Variants in SKAP1 observed in about 807,000 individuals in gnomAD.
The protein encoded by SKAP1 is src kinase associated phosphoprotein 1.
Under a neutral mutation model 58.5 loss-of-function variants are expected in SKAP1, and 44 were observed. The observed-to-expected ratio is 0.75, with a 90% confidence interval of 0.59 to 0.97. The LOEUF (loss-of-function observed/expected upper bound fraction) is 0.97. SKAP1 is among the 50% of genes least tolerant of loss of function. The pLI is 0.00. For synonymous variants in SKAP1, 127 were observed against 149.7 expected (o/e 0.85, Z 1.11); for missense variants, 390 against 435.2 (o/e 0.90, Z 0.92).
intron 4 of SKAP1, among the ~76,000 whole-genome samples, chr17:48,285,878 T>C (rs1418072840): frequency 6.6e-6 from 1 of 152,214 alleles, no homozygotes; most frequent in Non-Finnish European, 1.5e-5. Context: ...CTGAGCAGTA[T>C]GGCTTTAGGA....
intron 2 of SKAP1, among the ~76,000 whole-genome samples, chr17:48,371,835 T>TG (rs2067091342): frequency 1.5e-5 from 2 of 135,280 alleles, no homozygotes; most frequent in African/African-American, 6.0e-5. Context: ...AGACCCTGTC[T>TG]CAAAAAAAAA....
chr17:48,412,912 AATTT>A (rs2067682391), intron 1 of SKAP1, among the ~76,000 whole-genome samples: 1 of 152,080 alleles, frequency 6.6e-6, no homozygotes, highest in East Asian at 1.9e-4. Flanking sequence ...GTCACATGTT[AATTT>A]AAGTACTTGT....
intron 4 of SKAP1, among the ~76,000 whole-genome samples, chr17:48,340,975 G>C (rs776615865): frequency 2.6e-5 from 4 of 152,242 alleles, no homozygotes; most frequent in Admixed American, 1.3e-4. Context: ...TCTTCAAAAA[G>C]CAATGGCTTT....
intron 10 of SKAP1, among the ~76,000 whole-genome samples, chr17:48,163,603 G>A (rs1398448472): frequency 6.6e-6 from 1 of 152,154 alleles, no homozygotes; most frequent in Non-Finnish European, 1.5e-5. Context: ...GGAGTCAGGA[G>A]TCCTGGGTTC....
At chr17:48,265,483 C>T (rs1598486357) in intron 4 of SKAP1, among the ~76,000 whole-genome samples, 1 of 141,386 alleles carries the variant, frequency 7.1e-6, no homozygotes, top group East Asian at 2.3e-4. Context: ...CCAGCCTGGG[C>T]CTGTCTCAAA....
intron 11 of SKAP1, 96 bp from the exon 12 acceptor site, chr17:48,137,433 C>A: frequency 2.5e-6 from 2 of 793,652 alleles, no homozygotes; most frequent in Non-Finnish European, 2.1e-6. Context: ...TTGGTGGTTT[C>A]ATTGTTGCCA....
intron 3 of SKAP1, among the ~76,000 whole-genome samples, chr17:48,354,582 C>G (rs551620851): frequency 2.0e-5 from 3 of 152,276 alleles, no homozygotes; most frequent in Admixed American, 2.0e-4. Context: ...CCACTACTTG[C>G]CTCACAAGAG....
chr17:48,191,991 G>A (rs909862604), intron 4 of SKAP1, among the ~76,000 whole-genome samples: 1 of 152,156 alleles, frequency 6.6e-6, no homozygotes, highest in South Asian at 2.1e-4. Context: ...AGTTACAGAA[G>A]AGAAGGCTCT....
At chr17:48,268,645 C>T (rs1038806160) in intron 4 of SKAP1, among the ~76,000 whole-genome samples, 1 of 152,028 alleles carries the variant, frequency 6.6e-6, no homozygotes, top group African/African-American at 2.4e-5. Context: ...GCAGGTGCCA[C>T]CATACCCAGC....
chr17:48,223,201 A>G (rs1240061558), intron 4 of SKAP1, among the ~76,000 whole-genome samples: 1 of 152,014 alleles, frequency 6.6e-6, no homozygotes, highest in Non-Finnish European at 1.5e-5. Flanking sequence ...AAAACTGCTG[A>G]TTCTCACTTG....
intron 4 of SKAP1, among the ~76,000 whole-genome samples, chr17:48,237,466 C>G (rs770884587): frequency 6.6e-6 from 1 of 152,158 alleles, no homozygotes; most frequent in South Asian, 2.1e-4. Context: ...GGCCATGAAG[C>G]TATGCTGCCT....
chr17:48,404,506 T>C (rs1054067203), intron 1 of SKAP1, among the ~76,000 whole-genome samples: 1 of 152,020 alleles, frequency 6.6e-6, no homozygotes, highest in Non-Finnish European at 1.5e-5. Context: ...AATGTAAAAA[T>C]AGTCTAATTC....
Position 48,309,467 on chromosome 17 carries a change from G to A in SKAP1, c.280+36438C>T, listed in dbSNP as rs112545638. On this transcript the variant is annotated intron_variant, in intron 4 of 12. Coordinates refer to ENST00000336915, the MANE Select transcript of SKAP1 (RefSeq NM_003726.4). ...GATATAAATAATATCCTTAACTTAA[G>A]GTGGCCTGTAATAATTCAACCATGA... Among the ~76,000 whole-genome samples the A allele has an allele frequency of 1.2e-4, 19 of 152,196 alleles. 3 individuals carry two copies. The highest frequency in any genetic ancestry group is 4.6e-4 in the African/African-American group (19 of 41,530).
At position 48,170,987 on chromosome 17, in the gene SKAP1, G is replaced by A. The variant is rs547824723; in HGVS notation, c.827-328C>T. Among the ~76,000 whole-genome samples the A allele has an allele frequency of 2.6e-5, 4 of 151,692 alleles. No individual in the cohort carries two copies. In the South Asian group the frequency reaches 6.3e-4, roughly 24 times the overall value. Reference sequence around the variant, plus strand: ...CTCCCAAGGTATTGGGATTACAGGTGTGAGCTACTGCGTCCAGCCAGTCAG... The same window carrying A: ...CTCCCAAGGTATTGGGATTACAGGTATGAGCTACTGCGTCCAGCCAGTCAG... On this transcript the variant is annotated intron_variant, in intron 9 of 12. Coordinates refer to ENST00000336915, the MANE Select transcript of SKAP1 (RefSeq NM_003726.4).
chr17:48,349,053 C>T (rs1417567644), intron 3 of SKAP1, among the ~76,000 whole-genome samples: 1 of 152,180 alleles, frequency 6.6e-6, no homozygotes, highest in African/African-American at 2.4e-5. Flanking sequence ...TGACCCAGTT[C>T]CCTTGGGCAC....
chr17:48,423,974 G>A (rs947126963), intron 1 of SKAP1, among the ~76,000 whole-genome samples: 12 of 152,078 alleles, frequency 7.9e-5, no homozygotes, highest in African/African-American at 1.4e-4. Flanking sequence ...TAAAAATAGG[G>A]TATATAACTT....
At chr17:48,307,928 T>C (rs2066169915) in intron 4 of SKAP1, 1 of 152,246 alleles carries the variant, frequency 6.6e-6, no homozygotes, top group Admixed American at 6.5e-5. Flanking sequence ...ATCTCTGGTT[T>C]CTAGCCTCAT....
intron 4 of SKAP1, among the ~76,000 whole-genome samples, chr17:48,273,785 T>C (rs564205834): frequency 6.6e-6 from 1 of 152,292 alleles, no homozygotes; most frequent in African/African-American, 2.4e-5. Context: ...GATTCTCAAT[T>C]TTAGTATGAA....
chr17:48,349,100 AC>A (rs1249475816), intron 3 of SKAP1, among the ~76,000 whole-genome samples: 2 of 152,094 alleles, frequency 1.3e-5, no homozygotes, highest in African/African-American at 4.8e-5. Flanking sequence ...ATAAATATAC[AC>A]TCCCATGTAA....
Sources: allele counts gnomAD v4.1 joint callset (sites outside exome capture counted in the v4.1 genomes callset), GRCh38; gene constraint gnomAD v4.1.1; transcripts MANE v1.5; gene names NCBI Gene and HGNC (gene_info 2026-07-23, HGNC 2026-07-21).